Variants in ANK3 observed in about 807,000 individuals in gnomAD.
ANK3 encodes ankyrin 3.
In ANK3, 57 loss-of-function variants were observed where a neutral mutation model predicts 370.9. The observed-to-expected ratio is 0.15, with a 90% confidence interval of 0.12 to 0.19. The LOEUF (loss-of-function observed/expected upper bound fraction) is 0.19, where lower values mean the gene tolerates loss of function less well. Ranked by LOEUF, ANK3 falls within the 10% of genes least tolerant of loss-of-function variation. The pLI, the probability that ANK3 is intolerant of heterozygous loss-of-function variation, is 1.00. For missense variants in ANK3, 4,439 were observed against 5,302.1 expected, an observed-to-expected ratio of 0.84 and a Z score of 5.06; for synonymous variants, 1,929 against 1,946.3, an observed-to-expected ratio of 0.99 and a Z score of 0.23.
At chr10:60,031,480 T>C (rs1023726900) in intron 43 of ANK3, among the ~76,000 whole-genome samples, 2 of 152,230 alleles carry the variant, frequency 1.3e-5, no homozygotes, top group Non-Finnish European at 2.9e-5. Context: ...ATATATTGTC[T>C]CTCCTCCTTG....
chr10:60,277,942 C>T (rs2098114239), intron 4 of ANK3, among the ~76,000 whole-genome samples: 1 of 152,200 alleles, frequency 6.6e-6, no homozygotes, highest in South Asian at 2.1e-4. Flanking sequence ...ATGATGTTTG[C>T]TTTCCTACAT....
intron 7 of ANK3, among the ~76,000 whole-genome samples, chr10:60,244,941 G>A (rs930883223): frequency 6.6e-5 from 10 of 152,082 alleles, no homozygotes; most frequent in Non-Finnish European, 1.3e-4. Context: ...AGGCCGAGGC[G>A]GGCGGATCAT....
chr10:60,212,729 G>A (rs1377989682), intron 9 of ANK3, among the ~76,000 whole-genome samples: 1 of 152,036 alleles, frequency 6.6e-6, no homozygotes, highest in Non-Finnish European at 1.5e-5. Context: ...AGAGATTAAA[G>A]CTCTTAGTAA....
intron 11 of ANK3, 97 bp from the exon 12 acceptor site, chr10:60,203,197 C>G: frequency 1.3e-6 from 1 of 743,472 alleles, no homozygotes; most frequent in Non-Finnish European, 2.3e-6. Flanking sequence ...CCATCTAAAT[C>G]AGTTTAATGA....
intron 7 of ANK3, among the ~76,000 whole-genome samples, chr10:60,252,721 G>A (rs1281760288): frequency 1.3e-5 from 2 of 151,968 alleles, no homozygotes; most frequent in African/African-American, 2.4e-5. Flanking sequence ...TTCTTATTAT[G>A]AGACTTTCTC....
Position 60,556,918 on chromosome 10 carries a change from C to T in ANK3, c.96+58268G>A, listed in dbSNP as rs140285354. Reference sequence around the variant, plus strand: ...TGGATCAGCTGCGGCATTAGATTCTCATAGGAGCATGAGCCCTGTTGTGAA... The same window carrying T: ...TGGATCAGCTGCGGCATTAGATTCTTATAGGAGCATGAGCCCTGTTGTGAA... On this transcript the variant is annotated intron_variant, in intron 2 of 43. Transcript: ENST00000373827. Among the ~76,000 whole-genome samples the T allele has an allele frequency of 6.2e-3, 951 of 152,298 alleles. 5 individuals carry two copies. Among genetic ancestry groups the T allele is most frequent in the African/African-American group, 0.022 (906 of 41,560 alleles).
At chr10:60,174,054 A>T (rs941548479) in intron 18 of ANK3, among the ~76,000 whole-genome samples, 1 of 152,124 alleles carries the variant, frequency 6.6e-6, no homozygotes, top group Non-Finnish European at 1.5e-5. Context: ...ACCTTTTATC[A>T]CAATATTTCT....
intron 2 of ANK3, among the ~76,000 whole-genome samples, chr10:60,489,929 C>A (rs2075450495): frequency 6.6e-6 from 1 of 152,184 alleles, no homozygotes; most frequent in African/African-American, 2.4e-5. Flanking sequence ...CACATTTATT[C>A]ATCAGGGAAC....
intron 2 of ANK3, among the ~76,000 whole-genome samples, chr10:60,460,698 C>T (rs116064140): frequency 0.015 from 2,312 of 152,190 alleles, 61 homozygotes; most frequent in African/African-American, 0.052. Context: ...AAAATTGTAC[C>T]TCAGAGTTCT....
chr10:60,358,156 TC>T (rs2058078448), intron 1 of ANK3, among the ~76,000 whole-genome samples: 1 of 151,508 alleles, frequency 6.6e-6, no homozygotes, highest in Non-Finnish European at 1.5e-5. Flanking sequence ...AAAACTTCTC[TC>T]TTATCCCACT....
At chr10:60,656,084 C>G (rs1826949505) in intron 1 of ANK3, among the ~76,000 whole-genome samples, 1 of 152,156 alleles carries the variant, frequency 6.6e-6, no homozygotes, top group Non-Finnish European at 1.5e-5. Flanking sequence ...TCTGTATCAT[C>G]AAGCAATGCA....
At chr10:60,050,437 A>G (rs1353941612) in intron 42 of ANK3, among the ~76,000 whole-genome samples, 1 of 152,202 alleles carries the variant, frequency 6.6e-6, no homozygotes, top group Non-Finnish European at 1.5e-5. Context: ...CAGGATTAAG[A>G]AATTTTGGAC....
chr10:60,433,325 C>T (rs543334778), intron 2 of ANK3, among the ~76,000 whole-genome samples: 134 of 152,230 alleles, frequency 8.8e-4, no homozygotes, highest in African/African-American at 2.9e-3. Flanking sequence ...TCATGCTCTC[C>T]TCATTACTGC....
At chr10:60,525,653 T>G (rs1269948354) in intron 2 of ANK3, among the ~76,000 whole-genome samples, 1 of 152,106 alleles carries the variant, frequency 6.6e-6, no homozygotes, top group African/African-American at 2.4e-5. Flanking sequence ...ATTTTTATTT[T>G]GCCAATATAA....
chr10:60,285,107 C>T (rs1018801380), intron 1 of ANK3, among the ~76,000 whole-genome samples: 1 of 152,022 alleles, frequency 6.6e-6, no homozygotes, highest in Non-Finnish European at 1.5e-5. Context: ...TCACACAGCC[C>T]GAATCTGCAT....
chr10:60,237,129 T>C (rs2097346281), intron 7 of ANK3, among the ~76,000 whole-genome samples: 2 of 152,246 alleles, frequency 1.3e-5, no homozygotes, highest in African/African-American at 4.8e-5. Flanking sequence ...GGGCACGCTG[T>C]GGTCTTTTTT....
chr10:60,334,481 C>G (rs1206676598), intron 1 of ANK3, among the ~76,000 whole-genome samples: 1 of 152,160 alleles, frequency 6.6e-6, no homozygotes, highest in Non-Finnish European at 1.5e-5. Context: ...AGGTTCAAGT[C>G]TATCTAGGTG....
intron 43 of ANK3, among the ~76,000 whole-genome samples, chr10:60,039,956 A>G (rs1279612553): frequency 6.6e-6 from 1 of 152,204 alleles, no homozygotes; most frequent in African/African-American, 2.4e-5. Flanking sequence ...GAAGGCAGAA[A>G]CATCATTTGA....
At position 60,028,799 on chromosome 10, in the gene ANK3, C is replaced by T. The variant is rs1020580660; in HGVS notation, c.*1047G>A. 2.0e-5 allele frequency: 3 copies of T among 152,474 alleles called. No homozygotes were observed. Among genetic ancestry groups the T allele is most frequent in the African/African-American group, 7.3e-5 (3 of 41,378 alleles). 9.4% of individuals were successfully genotyped at this position (152,474 alleles called of 1,614,324 possible). A position where few individuals can be genotyped will look rare whatever the true frequency, so the allele number is the denominator to read the frequency against. The stretch of plus-strand genomic sequence containing the variant: ...CCTCTAAAGCGGCAAGCATTTACCC[C>T]CTTTTAAGCACTAACAGATAGCATC... On this transcript the variant is annotated 3_prime_UTR_variant, in exon 44 of 44. Coordinates refer to ENST00000280772, the MANE Select transcript of ANK3 (RefSeq NM_020987.5).
Sources: allele counts gnomAD v4.1 joint callset (sites outside exome capture counted in the v4.1 genomes callset), GRCh38; gene constraint gnomAD v4.1.1; transcripts MANE v1.5; gene names NCBI Gene and HGNC (gene_info 2026-07-23, HGNC 2026-07-21).